The following COMMD10 variants were observed in gnomAD, a reference collection of about 807,000 sequenced individuals.
COMMD10 encodes COMM domain-containing protein 10.
Under a neutral mutation model 28.9 loss-of-function variants are expected in COMMD10, and 33 were observed. The observed-to-expected ratio is 1.14, with a 90% confidence interval of 0.87 to 1.53. The LOEUF is 1.53. COMMD10 is among the 40% of genes most tolerant of loss of function. The pLI, the probability that COMMD10 is intolerant of heterozygous loss-of-function variation, is 0.00. For synonymous variants in COMMD10, 110 were observed against 81.7 expected (o/e 1.35, Z -1.87); for missense variants, 310 against 233.4 (o/e 1.33, Z -2.14).
rs1580431196 is a variant in COMMD10 at position 116,085,493 on chromosome 5, C to G, written c.41+400C>G. 1.8e-5 allele frequency: 4 copies of G among 218,906 alleles called. No individual in the cohort carries two copies. In the East Asian group the frequency reaches 4.3e-4, roughly 23 times the overall value. The allele number at this position is 218,906 out of a possible 1,614,324, so 13.6% of individuals were successfully genotyped here. A position where few individuals can be genotyped will look rare whatever the true frequency, so the allele number is the denominator to read the frequency against. Reference sequence around the variant, plus strand: ...GGTTCAGACACTCTGGTGGGAAAGGCTCACGCTGCTGCTGGAGGGTCTTTA... The same window carrying G: ...GGTTCAGACACTCTGGTGGGAAAGGGTCACGCTGCTGCTGGAGGGTCTTTA... On this transcript the variant is annotated intron_variant, in intron 1 of 6. Coordinates refer to ENST00000274458, the MANE Select transcript of COMMD10 (RefSeq NM_016144.4).
chr5:116,160,307 C>A (rs1752874227), intron 5 of COMMD10, among the ~76,000 whole-genome samples: 1 of 152,150 alleles, frequency 6.6e-6, no homozygotes, highest in Non-Finnish European at 1.5e-5. Flanking sequence ...TAAATTTACT[C>A]TGAAAATTTA....
In COMMD10 at chr5:116,231,575, A is replaced by G. The variant is rs113646903; in HGVS notation, c.511-59942A>G. ...TATGGAGATCAAAGGCTACTTTGGC[A>G]GCTTTAGTCTAATGACAAACTTATT... On this transcript the variant is annotated intron_variant, in intron 5 of 6. Coordinates refer to ENST00000274458, the MANE Select transcript of COMMD10 (RefSeq NM_016144.4). Among the ~76,000 whole-genome samples the G allele has an allele frequency of 3.8e-3, 583 of 151,690 alleles. 4 individuals carry two copies. The highest frequency in any genetic ancestry group is 0.013 in the African/African-American group (549 of 41,266).
chr5:116,195,279 A>G (rs569209780), intron 5 of COMMD10, among the ~76,000 whole-genome samples: 79 of 152,114 alleles, frequency 5.2e-4, no homozygotes, highest in African/African-American at 1.8e-3. Context: ...TACTCTCCCT[A>G]CTCCTCTTCA....
intron 5 of COMMD10, among the ~76,000 whole-genome samples, chr5:116,281,950 C>CTGGGCAA (rs1751079835): frequency 6.6e-6 from 1 of 151,746 alleles, no homozygotes; most frequent in Admixed American, 6.6e-5. Context: ...CCTTCTTTTC[C>CTGGGCAA]TGGGCAATTT....
chr5:116,117,581 A>G (rs1460547712), intron 4 of COMMD10, among the ~76,000 whole-genome samples: 3 of 152,128 alleles, frequency 2.0e-5, no homozygotes, highest in African/African-American at 7.2e-5. Flanking sequence ...CTTGTGTCTC[A>G]GCCTCCCGAG....
chr5:116,125,982 C>G (rs969276196), intron 4 of COMMD10, among the ~76,000 whole-genome samples: 1 of 152,144 alleles, frequency 6.6e-6, no homozygotes, highest in African/African-American at 2.4e-5. Flanking sequence ...AAGAAGAAGT[C>G]AAATTTTCCC....
chr5:116,236,504 C>CAAAA (rs34066036), intron 5 of COMMD10, among the ~76,000 whole-genome samples: 11 of 79,576 alleles, frequency 1.4e-4, no homozygotes, highest in Middle Eastern at 6.8e-3. Flanking sequence ...GACTCCGTCT[C>CAAAA]AAAAAAAAAA....
At chr5:116,181,193 T>C (rs570569106) in intron 5 of COMMD10, among the ~76,000 whole-genome samples, 2 of 152,176 alleles carry the variant, frequency 1.3e-5, no homozygotes, top group Admixed American at 6.6e-5. Flanking sequence ...GTACTTTCAT[T>C]TTAATTAGAA....
intron 4 of COMMD10, among the ~76,000 whole-genome samples, chr5:116,116,654 A>G (rs759394224): frequency 2.6e-4 from 39 of 151,046 alleles, no homozygotes; most frequent in Non-Finnish European, 2.4e-4. Flanking sequence ...AAATGCTGCT[A>G]TGTATTCTCT....
chr5:116,186,038 C>A (rs1309083754), intron 5 of COMMD10, among the ~76,000 whole-genome samples: 1 of 152,020 alleles, frequency 6.6e-6, no homozygotes, highest in Non-Finnish European at 1.5e-5. Context: ...TGGGTTCGAC[C>A]CCTTTTAATC....
intron 5 of COMMD10, among the ~76,000 whole-genome samples, chr5:116,163,717 A>G (rs1752999031): frequency 1.3e-5 from 2 of 152,178 alleles, no homozygotes; most frequent in South Asian, 4.1e-4. Context: ...TTAGTCAGAG[A>G]TTATTCTTTT....
intron 5 of COMMD10, among the ~76,000 whole-genome samples, chr5:116,289,199 A>G (rs2112716569): frequency 6.6e-6 from 1 of 151,760 alleles, no homozygotes; most frequent in South Asian, 2.1e-4. Flanking sequence ...AGCTCATTAA[A>G]CATCCCTATA....
At chr5:116,285,232 G>C (rs539269645) in intron 5 of COMMD10, among the ~76,000 whole-genome samples, 1 of 151,880 alleles carries the variant, frequency 6.6e-6, no homozygotes, top group Non-Finnish European at 1.5e-5. Context: ...AAAAGCTACC[G>C]AACTCTTAAA....
chr5:116,197,920 T>G (rs1398176450), intron 5 of COMMD10, among the ~76,000 whole-genome samples: 1 of 152,142 alleles, frequency 6.6e-6, no homozygotes, highest in Non-Finnish European at 1.5e-5. Context: ...ACAGTTCAGT[T>G]TAGCCCAGAA....
intron 4 of COMMD10, among the ~76,000 whole-genome samples, chr5:116,115,571 C>A (rs1751206015): frequency 6.6e-6 from 1 of 152,122 alleles, no homozygotes; most frequent in Non-Finnish European, 1.5e-5. Flanking sequence ...GTTCTTCTAA[C>A]AGGGTTTTCT....
Position 116,270,608 on chromosome 5 carries a change from C to T in COMMD10, c.511-20909C>T, listed in dbSNP as rs181656711. Among the ~76,000 whole-genome samples, 258 of 151,920 alleles carry T rather than the reference C, an allele frequency of 1.7e-3. 4 individuals are homozygous for T. Among genetic ancestry groups the T allele is most frequent in the African/African-American group, 5.9e-3 (243 of 41,268 alleles). ...GGGACTAGAAAGAACAGGGATGCTG[C>T]TGCTTTGTATAATCATTCCCATTAT... On this transcript the variant is annotated intron_variant, in intron 5 of 6. Coordinates refer to ENST00000274458, the MANE Select transcript of COMMD10 (RefSeq NM_016144.4).
At chr5:116,196,744 C>T (rs1305802057) in intron 5 of COMMD10, among the ~76,000 whole-genome samples, 2 of 129,820 alleles carry the variant, frequency 1.5e-5, no homozygotes, top group East Asian at 4.1e-4. Flanking sequence ...ATATGAATGG[C>T]TTTTCACAGT....
chr5:116,127,804 A>C (rs144439547), intron 4 of COMMD10, among the ~76,000 whole-genome samples: 1 of 152,154 alleles, frequency 6.6e-6, no homozygotes, highest in Non-Finnish European at 1.5e-5. Context: ...GAGGGATAGC[A>C]GTAGGAGATA....
At chr5:116,202,609 T>C (rs1464217832) in intron 5 of COMMD10, among the ~76,000 whole-genome samples, 10 of 151,948 alleles carry the variant, frequency 6.6e-5, no homozygotes, top group Non-Finnish European at 1.3e-4. Context: ...CTCATTGTGG[T>C]TTTGATTTGC....
Sources: allele counts gnomAD v4.1 joint callset (sites outside exome capture counted in the v4.1 genomes callset), GRCh38; gene constraint gnomAD v4.1.1; transcripts MANE v1.5; gene names NCBI Gene and HGNC (gene_info 2026-07-23, HGNC 2026-07-21).